The following ANKFN1 variants were observed in gnomAD, a reference collection of about 807,000 sequenced individuals.
ANKFN1 encodes the protein ankyrin repeat and fibronectin type-III domain-containing protein 1.
ANKFN1 carries 74 observed loss-of-function variants against 108.7 expected under a neutral mutation model. That is an observed-to-expected ratio of 0.68 (90% CI 0.56 to 0.83). ANKFN1 has a LOEUF of 0.83. Ranked by LOEUF, ANKFN1 falls within the 40% of genes least tolerant of loss-of-function variation. ANKFN1 has a pLI of 0.00. For missense variants in ANKFN1, 1,505 were observed against 1,382.3 expected (o/e 1.09, Z -1.41); for synonymous variants, 547 against 516.2 (o/e 1.06, Z -0.81).
chr17:56,141,001 G>A (rs1437307659), intron 4 of ANKFN1, among the ~76,000 whole-genome samples: 2 of 152,132 alleles, frequency 1.3e-5, no homozygotes, highest in African/African-American at 4.8e-5. Flanking sequence ...ACCTACTGGA[G>A]CTATGCACGT....
intron 1 of ANKFN1, among the ~76,000 whole-genome samples, chr17:56,208,856 C>T (rs1914737673): frequency 6.6e-6 from 1 of 151,946 alleles, no homozygotes; most frequent in Non-Finnish European, 1.5e-5. Context: ...GTTTAGGCAC[C>T]AGTCATGATG....
At chr17:56,287,358 C>T (rs528573930) in intron 3 of ANKFN1, among the ~76,000 whole-genome samples, 1 of 152,284 alleles carries the variant, frequency 6.6e-6, no homozygotes, top group South Asian at 2.1e-4. Flanking sequence ...GGACAAAGAG[C>T]TTCACTTCCC....
At chr17:56,366,221 A>T (rs1375623259) in intron 6 of ANKFN1, among the ~76,000 whole-genome samples, 1 of 152,168 alleles carries the variant, frequency 6.6e-6, no homozygotes, top group Admixed American at 6.5e-5. Context: ...ATATTTTTGT[A>T]CAGTGGTACT....
At chr17:56,374,843 A>G in intron 8 of ANKFN1, 129 bp downstream of exon 8, 1 of 716,162 alleles carries the variant, frequency 1.4e-6, no homozygotes, top group Non-Finnish European at 2.3e-6. Flanking sequence ...TGACTTTTGA[A>G]GTTGAAATAT....
chr17:56,247,905 A>G (rs974474348), intron 3 of ANKFN1, among the ~76,000 whole-genome samples: 1 of 152,212 alleles, frequency 6.6e-6, no homozygotes, highest in Non-Finnish European at 1.5e-5. Context: ...TCAAATGTAT[A>G]AAAAGCAATA....
rs1404364425 is a variant in ANKFN1 at position 56,457,898 on chromosome 17, G to A, written c.1476G>A (p.Arg492=). Residue 492 remains arginine, a synonymous_variant, in exon 14 of 21, where the codon AGG becomes AGA. Coordinates refer to ENST00000682825, the MANE Select transcript of ANKFN1 (RefSeq NM_001370326.1). ...SCMWEDIRWL[R]QSIPISSSSS... Reference sequence around the variant, plus strand: ...TGTGGGAAGATATAAGGTGGCTGAGGCAAAGCATACCAATATCCTCATCCT... The same window carrying A: ...TGTGGGAAGATATAAGGTGGCTGAGACAAAGCATACCAATATCCTCATCCT... The A allele has an allele frequency of 2.5e-6, 4 of 1,613,874 alleles. No individual in the cohort carries two copies. In the South Asian group the frequency reaches 3.3e-5, roughly 13 times the overall value.
In ANKFN1 at chr17:56,513,108, T is replaced by A. The variant is rs979232377; in HGVS notation, c.*1839T>A. On this transcript the variant is annotated 3_prime_UTR_variant, in exon 21 of 21. Coordinates refer to ENST00000682825, the MANE Select transcript of ANKFN1 (RefSeq NM_001370326.1). ...GAGAGGTTAAGTAACATGCTCAAGG[T>A]CACGGAGCTGGTTTAGTCTCAGAGT... 2.6e-5 allele frequency among the ~76,000 whole-genome samples: 4 copies of A among 152,214 alleles called. No individual in the cohort carries two copies. Among genetic ancestry groups the A allele is most frequent in the African/African-American group, 9.6e-5 (4 of 41,458 alleles).
chr17:56,056,045 C>T (rs1270391788), intron 4 of ANKFN1, among the ~76,000 whole-genome samples: 1 of 151,224 alleles, frequency 6.6e-6, no homozygotes, highest in African/African-American at 2.4e-5. Flanking sequence ...AATATCAGTT[C>T]ATGTTCTTTG....
At chr17:56,134,662 G>A (rs909770583) in intron 4 of ANKFN1, among the ~76,000 whole-genome samples, 5 of 152,120 alleles carry the variant, frequency 3.3e-5, no homozygotes, top group Admixed American at 6.6e-5. Context: ...GGGGCAATAC[G>A]TGTATTTCTT....
At chr17:56,238,245 T>C (rs377665602) in intron 3 of ANKFN1, among the ~76,000 whole-genome samples, 1 of 152,144 alleles carries the variant, frequency 6.6e-6, no homozygotes, top group Admixed American at 6.6e-5. Context: ...AGAATGTATA[T>C]TCTGTTGTTG....
intron 3 of ANKFN1, among the ~76,000 whole-genome samples, chr17:56,274,213 T>A (rs1345176476): frequency 6.6e-6 from 1 of 152,098 alleles, no homozygotes; most frequent in Non-Finnish European, 1.5e-5. Context: ...CAAAAGTAAT[T>A]CTACATCCCA....
chr17:56,085,159 G>A (rs1185638777), intron 4 of ANKFN1, among the ~76,000 whole-genome samples: 2 of 135,232 alleles, frequency 1.5e-5, no homozygotes, highest in Admixed American at 7.5e-5. Context: ...TATTTCTCTG[G>A]TTAAATGTTG....
chr17:56,276,961 T>C (rs2043951356), intron 3 of ANKFN1, among the ~76,000 whole-genome samples: 1 of 152,174 alleles, frequency 6.6e-6, no homozygotes, highest in Non-Finnish European at 1.5e-5. Context: ...AAATTCCGTT[T>C]TGAGGTTTGT....
In ANKFN1 at chr17:56,467,775, G is replaced by GA. The variant is rs1199444739; in HGVS notation, c.1773+1207dup. ...AGAAAGAAAGAAAGAAAGAAAGAAAGAAAGAAAGAAAGAAAGAAGAAAGAA... is the reference window on the plus strand; with the variant it reads ...AGAAAGAAAGAAAGAAAGAAAGAAAGAAAAGAAAGAAAGAAAGAAGAAAGAA... On this transcript the variant is annotated intron_variant, in intron 15 of 20. Coordinates refer to ENST00000682825, the MANE Select transcript of ANKFN1 (RefSeq NM_001370326.1). Among the ~76,000 whole-genome samples, 29 of 16,726 alleles carry GA rather than the reference G, an allele frequency of 1.7e-3. 1 individual carries two copies. The highest frequency in any genetic ancestry group is 4.0e-3 in the African/African-American group (29 of 7,268). 11.0% of individuals were successfully genotyped at this position (16,726 alleles called of 152,430 possible). A position where few individuals can be genotyped will look rare whatever the true frequency, so the allele number is the denominator to read the frequency against.
At chr17:56,417,928 A>T (rs1274410647) in intron 8 of ANKFN1, among the ~76,000 whole-genome samples, 1 of 152,144 alleles carries the variant, frequency 6.6e-6, no homozygotes, top group Non-Finnish European at 1.5e-5. Context: ...CACTTCTGGG[A>T]TGCTTCGTCT....
intron 6 of ANKFN1, among the ~76,000 whole-genome samples, chr17:56,360,065 G>C (rs150930192): frequency 6.6e-6 from 1 of 152,082 alleles, no homozygotes; most frequent in South Asian, 2.1e-4. Flanking sequence ...ACCCTCAAAG[G>C]ACAAAGATTT....
chr17:56,409,921 C>A (rs2048036970), intron 8 of ANKFN1, among the ~76,000 whole-genome samples: 1 of 151,782 alleles, frequency 6.6e-6, no homozygotes, highest in South Asian at 2.1e-4. Flanking sequence ...GAAGGCAGTG[C>A]CTCTGTTTTC....
chr17:56,484,413 A>G (rs1467264915), intron 18 of ANKFN1, among the ~76,000 whole-genome samples: 1 of 152,252 alleles, frequency 6.6e-6, no homozygotes, highest in Non-Finnish European at 1.5e-5. Flanking sequence ...AAGTTGCCCC[A>G]AAGTAGGTAA....
chr17:56,243,920 C>G (rs2144017638), intron 3 of ANKFN1, among the ~76,000 whole-genome samples: 1 of 152,170 alleles, frequency 6.6e-6, no homozygotes, highest in Middle Eastern at 3.4e-3. Flanking sequence ...CCTTTGAAGA[C>G]ATTTTTAGTT....
Sources: gnomAD v4.1 joint callset for allele counts (sites outside exome capture counted in the v4.1 genomes callset) on GRCh38, gnomAD v4.1.1 for gene constraint, MANE v1.5 for transcripts, NCBI Gene and HGNC (gene_info 2026-07-23, HGNC 2026-07-21) for gene names.